The following TTC39C variants were observed in gnomAD, a reference collection of about 807,000 sequenced individuals.
The protein encoded by TTC39C is tetratricopeptide repeat protein 39C.
TTC39C carries 33 observed loss-of-function variants against 76.3 expected under a neutral mutation model. The ratio of observed to expected loss-of-function variants is 0.43; its 90% CI spans 0.33 to 0.58. TTC39C has a LOEUF of 0.58. Ranked by LOEUF, TTC39C falls within the 20% of genes least tolerant of loss-of-function variation. The probability of loss-of-function intolerance (pLI) is 0.04; values close to 1 mark genes in which losing one functional copy is unlikely to be tolerated. For synonymous variants in TTC39C, 254 were observed against 260.6 expected (o/e 0.97, Z 0.24); for missense variants, 595 against 701.4 (o/e 0.85, Z 1.71).
intron 4 of TTC39C, among the ~76,000 whole-genome samples, chr18:24,073,482 C>T (rs987924750): frequency 3.9e-5 from 6 of 152,122 alleles, no homozygotes; most frequent in African/African-American, 1.4e-4. Context: ...CAAGTGCAAC[C>T]CAGGCCTTCC....
chr18:24,034,271 G>A (rs1179368774), intron 1 of TTC39C, among the ~76,000 whole-genome samples: 2 of 152,156 alleles, frequency 1.3e-5, no homozygotes, highest in Non-Finnish European at 2.9e-5. Context: ...ACAGAGATGC[G>A]TACTTTACAT....
intron 1 of TTC39C, among the ~76,000 whole-genome samples, chr18:24,027,255 G>C (rs113390365): frequency 0.054 from 8,164 of 151,856 alleles, 585 homozygotes; most frequent in African/African-American, 0.17. Flanking sequence ...TCGCGCCACT[G>C]TGCGAGACTC....
intron 6 of TTC39C, among the ~76,000 whole-genome samples, chr18:24,094,125 A>C (rs570804221): frequency 6.6e-6 from 1 of 152,276 alleles, no homozygotes; most frequent in East Asian, 1.9e-4. Context: ...TTTTGTTGTC[A>C]TTTCAGCAGG....
In TTC39C at chr18:24,134,275, T is replaced by TG. The variant is rs1360866113; in HGVS notation, c.*1701_*1702insG. 9.8e-5 allele frequency: 13 copies of TG among 132,512 alleles called. No homozygotes were observed. Among genetic ancestry groups the TG allele is most frequent in the African/African-American group, 3.7e-4 (13 of 34,936 alleles). The allele number at this position is 132,512 out of a possible 1,614,324, so 8.2% of individuals were successfully genotyped here. A position where few individuals can be genotyped will look rare whatever the true frequency, so the allele number is the denominator to read the frequency against. On this transcript the variant is annotated 3_prime_UTR_variant, in exon 14 of 14. Transcript: ENST00000317571. ...GACATCTGTTTTTTGTTTTTTTTTT[T>TG]TTTTTTTTTTTTTTTTGAGACGGAG...
chr18:24,116,340 C>T (rs368528948), intron 7 of TTC39C, among the ~76,000 whole-genome samples: 26 of 152,250 alleles, frequency 1.7e-4, no homozygotes, highest in East Asian at 1.5e-3. Flanking sequence ...GCCAGGACTT[C>T]GAGACCAGCC....
intron 1 of TTC39C, among the ~76,000 whole-genome samples, chr18:24,045,465 A>T (rs184948589): frequency 6.6e-6 from 1 of 152,076 alleles, no homozygotes; most frequent in Non-Finnish European, 1.5e-5. Flanking sequence ...TGTTTTGTGA[A>T]AGGCTGTAAT....
In TTC39C at chr18:24,066,108, A is replaced by G; in HGVS notation, c.313A>G (p.Ile105Val). ...GTGTGAAAGTGAAGAGGCTGGAGTA[A>G]TTGAAACAATCAAGAATAAAATTAA... ...KLCESEEAGV[I>V]ETIKNKIKKN... The change falls in exon 3 of 14, where the codon ATT (isoleucine) becomes GTT (valine). Residue 105 changes from isoleucine (I) to valine (V), a missense_variant. Ile to Val is a conservative substitution (Grantham distance 29). Coordinates refer to ENST00000317571, the MANE Select transcript of TTC39C (RefSeq NM_001135993.2). The G allele has an allele frequency of 6.3e-7, 1 of 1,599,734 alleles. No homozygotes were observed. Among genetic ancestry groups the G allele is most frequent in the South Asian group, 1.1e-5 (1 of 87,344 alleles).
intron 1 of TTC39C, among the ~76,000 whole-genome samples, chr18:24,021,656 C>T (rs987662321): frequency 6.6e-6 from 1 of 151,670 alleles, no homozygotes; most frequent in Non-Finnish European, 1.5e-5. Flanking sequence ...AGGGATTCTC[C>T]TGCCAAGCTG....
chr18:24,010,998 TG>T (rs1332047864), upstream of TTC39C, among the ~76,000 whole-genome samples: 2 of 152,292 alleles, frequency 1.3e-5, no homozygotes, highest in East Asian at 3.9e-4. Flanking sequence ...CATTGAGCCA[TG>T]ATCTCGCCCC....
intron 12 of TTC39C, among the ~76,000 whole-genome samples, chr18:24,131,468 T>A (rs1223677305): frequency 1.3e-5 from 2 of 152,048 alleles, no homozygotes; most frequent in Admixed American, 1.3e-4. Flanking sequence ...ATCCCAGCAC[T>A]TTGGGAGGCC....
chr18:24,045,898 T>A (rs576669036), intron 1 of TTC39C, among the ~76,000 whole-genome samples: 22 of 37,264 alleles, frequency 5.9e-4, no homozygotes, highest in African/African-American at 2.8e-3. Flanking sequence ...TGAAAATATA[T>A]ATATATATAT....
chr18:23,997,653 A>AGAAAGAAAGAAAGAAG (rs1568398734), intron 1 of TTC39C, among the ~76,000 whole-genome samples: 76 of 36,466 alleles, frequency 2.1e-3, no homozygotes, highest in African/African-American at 7.6e-3. Flanking sequence ...GGAAGGAAGG[A>AGAAAGAAAGAAAGAAG]GAAAGAAAGA....
At chr18:24,082,015 G>GTTTT (rs35218868) in intron 5 of TTC39C, among the ~76,000 whole-genome samples, 18 of 120,774 alleles carry the variant, frequency 1.5e-4, no homozygotes, top group African/African-American at 1.9e-4. Context: ...TCTGGCTGTT[G>GTTTT]TTTTTTTTTT....
rs368153817 is a variant in TTC39C at position 24,080,671 on chromosome 18, T to A, written c.547T>A (p.Tyr183Asn). ...YLDINALQEL[Y>N]QKKLTEESLT... ...GGACATCAATGCCCTTCAGGAGCTG[T>A]ATCAGAAGAAGCTAACTGAAGAGTC... is the stretch of plus-strand genomic sequence containing the variant. Residue 183 changes from tyrosine (Y) to asparagine (N), a missense_variant, in exon 5 of 14, where the codon TAT (tyrosine) becomes AAT (asparagine). Transcript: ENST00000317571. 1 of 1,614,084 alleles carries A rather than the reference T, an allele frequency of 6.2e-7. No homozygotes were observed. Among genetic ancestry groups the A allele is most frequent in the African/African-American group, 1.3e-5 (1 of 74,946 alleles).
At chr18:24,074,694 C>T (rs978491033) in intron 4 of TTC39C, among the ~76,000 whole-genome samples, 25 of 152,182 alleles carry the variant, frequency 1.6e-4, no homozygotes, top group Admixed American at 3.3e-4. Flanking sequence ...CACTTTTACA[C>T]TGTTGGTGGG....
chr18:24,007,156 T>G (rs1332107676), intron 1 of TTC39C, among the ~76,000 whole-genome samples: 1 of 152,182 alleles, frequency 6.6e-6, no homozygotes, highest in Admixed American at 6.5e-5. Flanking sequence ...GAGCAAAACA[T>G]AAGTGACTTA....
intron 4 of TTC39C, among the ~76,000 whole-genome samples, chr18:24,072,848 G>A (rs2084258538): frequency 6.6e-6 from 1 of 152,214 alleles, no homozygotes; most frequent in Non-Finnish European, 1.5e-5. Context: ...GAGGGCCCAT[G>A]TCTTTCTCAC....
rs555329011 is a variant in TTC39C at position 24,027,545 on chromosome 18, C to A, written c.167+12507C>A. ...CATGTTGGAATTCATCAGCTGCACA[C>A]ATCTCTGAGGTGACTTTTTTTTTTT... On this transcript the variant is annotated intron_variant, in intron 1 of 13. Coordinates refer to ENST00000317571, the MANE Select transcript of TTC39C (RefSeq NM_001135993.2). Among the ~76,000 whole-genome samples, 86 of 150,376 alleles carry A rather than the reference C, an allele frequency of 5.7e-4. No homozygotes were observed. In the South Asian group the frequency reaches 0.015, roughly 26 times the overall value.
intron 8 of TTC39C, among the ~76,000 whole-genome samples, chr18:24,121,300 C>T (rs567688405): frequency 6.6e-5 from 10 of 152,166 alleles, no homozygotes; most frequent in African/African-American, 1.4e-4. Flanking sequence ...TGGCTGGGGG[C>T]GGTGGCTCAC....
Sources: gnomAD v4.1 joint callset for allele counts (sites outside exome capture counted in the v4.1 genomes callset) on GRCh38, gnomAD v4.1.1 for gene constraint, MANE v1.5 for transcripts, NCBI Gene and HGNC (gene_info 2026-07-23, HGNC 2026-07-21) for gene names.